Variants in ANXA3 observed in about 807,000 individuals in gnomAD.
The protein encoded by ANXA3 is annexin A3.
In ANXA3, 46 loss-of-function variants were observed where a neutral mutation model predicts 48.8. That is an observed-to-expected ratio of 0.94 (90% CI 0.74 to 1.21). ANXA3 has a LOEUF of 1.21. Ranked by LOEUF, ANXA3 falls within the 50% of genes most tolerant of loss-of-function variation. ANXA3 has a pLI of 0.00. For missense variants in ANXA3, 383 were observed against 378.6 expected (o/e 1.01, Z -0.10); for synonymous variants, 128 against 134.7 (o/e 0.95, Z 0.35).
chr4:78,595,456 A>G lies in ANXA3; in HGVS notation c.540+19A>G. ...TGCCCAGGTCAGTAACAAAGCGGGA[A>G]AACATTTCCTTTACCTATTCTCCTA... On this transcript the variant is annotated intron_variant, in intron 8 of 12. Coordinates refer to ENST00000264908, the MANE Select transcript of ANXA3 (RefSeq NM_005139.3). The G allele has an allele frequency of 6.2e-7, 1 of 1,612,658 alleles. No individual in the cohort carries two copies.
intron 12 of ANXA3, among the ~76,000 whole-genome samples, chr4:78,608,252 A>T (rs1246168835): frequency 2.6e-5 from 4 of 152,168 alleles, no homozygotes; most frequent in Admixed American, 2.6e-4. Context: ...AAAGGCTTCT[A>T]TGAGAAAGTC....
chr4:78,584,140 A>G (rs182958327), intron 5 of ANXA3, among the ~76,000 whole-genome samples: 32 of 152,186 alleles, frequency 2.1e-4, no homozygotes, highest in African/African-American at 7.5e-4. Context: ...ACTCAAATAT[A>G]TTTTCTTAAC....
At chr4:78,602,239 C>CAAAAAA (rs60958659) in intron 11 of ANXA3, 9 of 64,640 alleles carry the variant, frequency 1.4e-4, no homozygotes, top group East Asian at 1.1e-3. Context: ...GACTCTGTCT[C>CAAAAAA]AAAAAAAAAA....
intron 6 of ANXA3, among the ~76,000 whole-genome samples, chr4:78,589,974 C>T (rs993613349): frequency 1.3e-5 from 2 of 152,142 alleles, no homozygotes; most frequent in African/African-American, 4.8e-5. Context: ...TTAAAATATT[C>T]TATTTGATTT....
intron 9 of ANXA3, among the ~76,000 whole-genome samples, 160 bp downstream of exon 9, chr4:78,596,047 A>G (rs1723418694): frequency 6.6e-6 from 1 of 152,230 alleles, no homozygotes; most frequent in Non-Finnish European, 1.5e-5. Context: ...ATTGTAACTC[A>G]AGGAAGTACT....
chr4:78,609,334 A>G (rs964806639), intron 12 of ANXA3, among the ~76,000 whole-genome samples: 2 of 152,222 alleles, frequency 1.3e-5, no homozygotes, highest in Non-Finnish European at 2.9e-5. Context: ...ATCCAGGTTG[A>G]AAGCCAAGTT....
In ANXA3 at chr4:78,595,230, G is replaced by A. The variant is rs1723393514; in HGVS notation, c.484-151G>A. 11 of 813,642 alleles carry A rather than the reference G, an allele frequency of 1.4e-5. No homozygotes were observed. In the South Asian group the frequency reaches 1.5e-4, roughly 11 times the overall value. 50.4% of individuals were successfully genotyped at this position (813,642 alleles called of 1,614,324 possible). ...AAAATTTCATGACTAGTCAATGGCA[G>A]AACCAGAACTGGAGCCCTGAGTACA... On this transcript the variant is annotated intron_variant, in intron 7 of 12. Transcript: ENST00000264908.
At position 78,573,243 on chromosome 4, in the gene ANXA3, A is replaced by G. The variant is rs761076043; in HGVS notation, c.79A>G (p.Ile27Val). The change falls in exon 3 of 13, where the codon ATT (isoleucine) becomes GTT (valine). Residue 27 changes from isoleucine (I) to valine (V), a missense_variant. By Grantham distance (29) the Ile-to-Val change is conservative. Coordinates refer to ENST00000264908, the MANE Select transcript of ANXA3 (RefSeq NM_005139.3). ...DFSPSVDAEA[I>V]QKAIRGIGTD... Reference sequence around the variant, plus strand: ...TAGCCCATCAGTGGATGCTGAAGCTATTCAGAAAGCAATCAGAGGAATTGG... The same window carrying G: ...TAGCCCATCAGTGGATGCTGAAGCTGTTCAGAAAGCAATCAGAGGAATTGG... 4 of 1,613,226 alleles carry G rather than the reference A, an allele frequency of 2.5e-6. No individual in the cohort carries two copies. The highest frequency in any genetic ancestry group is 1.7e-5 in the Admixed American group (1 of 60,026).
At chr4:78,566,205 T>C (rs946483277) in intron 2 of ANXA3, among the ~76,000 whole-genome samples, 16 of 152,046 alleles carry the variant, frequency 1.1e-4, no homozygotes, top group Non-Finnish European at 4.4e-5. Flanking sequence ...TCATGGAAAA[T>C]ACAACATCAA....
intron 11 of ANXA3, chr4:78,602,334 C>T (rs1359225720): frequency 4.6e-5 from 7 of 151,624 alleles, no homozygotes; most frequent in Admixed American, 4.6e-4. Context: ...TAGTTTTCTA[C>T]AGTAGCTAAT....
In ANXA3 at chr4:78,587,380, G is replaced by A. The variant is rs549766547; in HGVS notation, c.403+1030G>A. Among the ~76,000 whole-genome samples the A allele has an allele frequency of 8.5e-5, 13 of 152,304 alleles. No homozygotes were observed. In the South Asian group the frequency reaches 2.1e-3, roughly 24 times the overall value. Reference sequence around the variant, plus strand: ...GCCTTTATTCTGGGTCATATTGTTAGCATAACTGAGCTGTAGTCCAAGAGA... The same window carrying A: ...GCCTTTATTCTGGGTCATATTGTTAACATAACTGAGCTGTAGTCCAAGAGA... On this transcript the variant is annotated intron_variant, in intron 6 of 12. Coordinates refer to ENST00000264908, the MANE Select transcript of ANXA3 (RefSeq NM_005139.3).
intron 2 of ANXA3, among the ~76,000 whole-genome samples, chr4:78,572,759 C>A (rs904498415): frequency 3.3e-5 from 5 of 152,122 alleles, no homozygotes; most frequent in Non-Finnish European, 7.4e-5. Flanking sequence ...ATATTGTGAC[C>A]TCCAGAATAA....
intron 2 of ANXA3, among the ~76,000 whole-genome samples, chr4:78,555,045 G>C (rs1722482139): frequency 6.6e-6 from 1 of 151,978 alleles, no homozygotes; most frequent in South Asian, 2.1e-4. Flanking sequence ...GTCTCTACTA[G>C]AAATACAAAA....
chr4:78,567,471 A>C (rs2109929441), intron 2 of ANXA3, among the ~76,000 whole-genome samples: 1 of 152,208 alleles, frequency 6.6e-6, no homozygotes, highest in South Asian at 2.1e-4. Context: ...AGAGAAAACC[A>C]GACAGAAGTT....
rs1723018422 is a variant in ANXA3, at chr4:78,578,943, G to T, written c.104-84G>T. 5.8e-6 allele frequency: 4 copies of T among 688,486 alleles called. No homozygotes were observed. The Admixed American group carries it at 8.7e-5, about 15-fold the overall frequency. 42.6% of individuals were successfully genotyped at this position (688,486 alleles called of 1,614,324 possible). ...TTAAAATGCCTTACTCTCTGCATTT[G>T]TCTCAGGCCATTGATCATTTTGCTT... On this transcript the variant is annotated intron_variant, in intron 3 of 12. Transcript: ENST00000264908.
chr4:78,552,216 C>T (rs143662542), intron 1 of ANXA3: 3,761 of 152,332 alleles, frequency 0.025, 81 homozygotes, highest in South Asian at 0.057. Context: ...TTAGCCATCT[C>T]GGCCTCCCCA....
chr4:78,571,475 A>C (rs1722839482), intron 2 of ANXA3, among the ~76,000 whole-genome samples: 1 of 152,248 alleles, frequency 6.6e-6, no homozygotes, highest in Non-Finnish European at 1.5e-5. Flanking sequence ...CTAATGAATC[A>C]GCAGACTATC....
At chr4:78,605,673 T>G (rs1723631847) in intron 12 of ANXA3, among the ~76,000 whole-genome samples, 1 of 152,228 alleles carries the variant, frequency 6.6e-6, no homozygotes, top group Admixed American at 6.5e-5. Context: ...TCATTCTGGA[T>G]GAGAATCTTC....
intron 7 of ANXA3, among the ~76,000 whole-genome samples, chr4:78,593,350 A>C (rs991586922): frequency 3.3e-5 from 5 of 151,646 alleles, no homozygotes; most frequent in Non-Finnish European, 5.9e-5. Flanking sequence ...TTACAGGCAC[A>C]CGCCACCACA....
Sources: allele counts gnomAD v4.1 joint callset (sites outside exome capture counted in the v4.1 genomes callset), GRCh38; gene constraint gnomAD v4.1.1; transcripts MANE v1.5; gene names NCBI Gene and HGNC (gene_info 2026-07-23, HGNC 2026-07-21).